KLF15: variants seen among roughly 807,000 people sequenced by gnomAD.
KLF15 encodes Krueppel-like factor 15.
Under a neutral mutation model 24.6 loss-of-function variants are expected in KLF15, and 4 were observed. That is an observed-to-expected ratio of 0.16 (90% confidence interval 0.08 to 0.37). The LOEUF (loss-of-function observed/expected upper bound fraction) is 0.37. Among genes scored for constraint, KLF15 ranks in the 10% least tolerant of loss-of-function variants. The pLI is 1.00. For synonymous variants in KLF15, 246 were observed against 236.3 expected (o/e 1.04, Z -0.37); for missense variants, 496 against 560.6 (o/e 0.88, Z 1.16).
At chr3:126,357,106 T>G (rs2082639981) in intron 1 of KLF15, 131 bp downstream of exon 1, 2 of 150,764 alleles carry the variant, frequency 1.3e-5, no homozygotes, top group Non-Finnish European at 3.0e-5. Flanking sequence ...TCCTCCGACA[T>G]TCCTCCAGCA....
chr3:126,303,778 T>C, the KLF15 span, among the ~76,000 whole-genome samples: 1 of 152,108 alleles, frequency 6.6e-6, no homozygotes, highest in African/African-American at 2.4e-5. Flanking sequence ...TTTATTAGGT[T>C]TCTTGAAGTT....
chr3:126,351,782 A>C (rs13074621), intron 2 of KLF15, 59 bp downstream of exon 2: 186,750 of 1,467,334 alleles, frequency 0.13, 11,976 homozygotes, highest in Middle Eastern at 0.15. Context: ...CTGCACACCC[A>C]AGTAAGCAGA....
At chr3:126,341,459 T>C (rs1452650336), downstream of KLF15, among the ~76,000 whole-genome samples, 1 of 152,154 alleles carries the variant, frequency 6.6e-6, no homozygotes, top group Non-Finnish European at 1.5e-5. Context: ...TGTTTATGGA[T>C]GAAGAAAGCC....
chr3:126,291,651 A>G, the KLF15 span, among the ~76,000 whole-genome samples: 1 of 152,258 alleles, frequency 6.6e-6, no homozygotes, highest in African/African-American at 2.4e-5. Context: ...GGCCTTTGCC[A>G]TTGATGTGTG....
chr3:126,328,194 T>C, the KLF15 span, among the ~76,000 whole-genome samples: 1 of 152,172 alleles, frequency 6.6e-6, no homozygotes, highest in African/African-American at 2.4e-5. Context: ...GGTTTTCCAT[T>C]CCTGAGTTAC....
chr3:126,292,729 G>A, the KLF15 span, among the ~76,000 whole-genome samples: 1 of 152,098 alleles, frequency 6.6e-6, no homozygotes, highest in Non-Finnish European at 1.5e-5. Flanking sequence ...GAGGGAAGCA[G>A]CCAGTGCTTA....
chr3:126,300,522 C>T, the KLF15 span, among the ~76,000 whole-genome samples: 1 of 152,210 alleles, frequency 6.6e-6, no homozygotes, highest in African/African-American at 2.4e-5. Flanking sequence ...TCCCATGGCT[C>T]CCCATCTCCC....
At chr3:126,332,016 G>T in the KLF15 span, among the ~76,000 whole-genome samples, 1 of 152,222 alleles carries the variant, frequency 6.6e-6, no homozygotes, top group African/African-American at 2.4e-5. Flanking sequence ...CATTGCCCAG[G>T]CTTGCTTAGG....
chr3:126,345,790 G>C (rs970162182), intron 2 of KLF15, among the ~76,000 whole-genome samples: 1 of 152,228 alleles, frequency 6.6e-6, no homozygotes, highest in Admixed American at 6.5e-5. Context: ...CAAGGCACAG[G>C]GGGTGGCAGG....
At chr3:126,312,779 G>C in the KLF15 span, among the ~76,000 whole-genome samples, 108 of 152,300 alleles carry the variant, frequency 7.1e-4, no homozygotes, top group African/African-American at 2.6e-3. Flanking sequence ...GCAAGTCCTC[G>C]ATCAAGGTGT....
intron 2 of KLF15, among the ~76,000 whole-genome samples, chr3:126,345,166 T>C (rs1031292373): frequency 6.6e-6 from 1 of 152,198 alleles, no homozygotes; most frequent in Non-Finnish European, 1.5e-5. Context: ...GTCACTTCCT[T>C]AGGAAATCCC....
chr3:126,332,187 G>T, the KLF15 span, among the ~76,000 whole-genome samples: 1 of 151,786 alleles, frequency 6.6e-6, no homozygotes, highest in Non-Finnish European at 1.5e-5. Flanking sequence ...CAGCTTTGAA[G>T]AGAGCAGTGG....
intron 2 of KLF15, among the ~76,000 whole-genome samples, chr3:126,351,556 A>C (rs1576587365): frequency 6.6e-6 from 1 of 151,586 alleles, no homozygotes; most frequent in African/African-American, 2.4e-5. Flanking sequence ...CTCAATCCCC[A>C]CCCTTGTCAG....
the KLF15 span, among the ~76,000 whole-genome samples, chr3:126,323,460 T>TAACATATATATAA: frequency 1.0e-5 from 1 of 96,976 alleles, no homozygotes; most frequent in African/African-American, 5.0e-5. Flanking sequence ...TATATATATA[T>TAACATATATATAA]AACATATATA....
chr3:126,351,737 C>CAAA, intron 2 of KLF15, 104 bp downstream of exon 2: 2 of 1,047,102 alleles, frequency 1.9e-6, no homozygotes, highest in Non-Finnish European at 2.7e-6. Context: ...TCCCCTCCCT[C>CAAA]ATCTACCTTC....
the KLF15 span, among the ~76,000 whole-genome samples, chr3:126,306,411 T>G: frequency 6.6e-6 from 1 of 152,164 alleles, no homozygotes; most frequent in African/African-American, 2.4e-5. Flanking sequence ...TAAGATTATT[T>G]ACTCTAAGAA....
At chr3:126,291,619 C>G in the KLF15 span, among the ~76,000 whole-genome samples, 1 of 152,268 alleles carries the variant, frequency 6.6e-6, no homozygotes, top group African/African-American at 2.4e-5. Context: ...GGGGCTGCCA[C>G]TCTCCCAGGT....
the KLF15 span, among the ~76,000 whole-genome samples, chr3:126,296,658 T>A: frequency 6.6e-6 from 1 of 152,240 alleles, no homozygotes; most frequent in African/African-American, 2.4e-5. Context: ...TGTGGGAGTT[T>A]GGTTACATTC....
the KLF15 span, among the ~76,000 whole-genome samples, chr3:126,298,414 TCTGCTG>T: frequency 7.3e-6 from 1 of 136,422 alleles, no homozygotes; most frequent in Non-Finnish European, 1.6e-5. Flanking sequence ...GTCTGTTTAC[TCTGCTG>T]ATTATTATTA....
Sources: allele counts gnomAD v4.1 joint callset (sites outside exome capture counted in the v4.1 genomes callset), GRCh38; gene constraint gnomAD v4.1.1; transcripts MANE v1.5; gene names NCBI Gene and HGNC (gene_info 2026-07-23, HGNC 2026-07-21).